The following ERC2 variants were observed in gnomAD, a reference collection of about 807,000 sequenced individuals.
ERC2 encodes the protein ELKS/RAB6-interacting/CAST family member 2.
A neutral mutation model predicts 114.8 loss-of-function variants in ERC2; 42 were observed. That is an observed-to-expected ratio of 0.37 (90% confidence interval 0.29 to 0.47). The LOEUF (loss-of-function observed/expected upper bound fraction) is 0.47, where lower values mean the gene tolerates loss of function less well. Ranked by LOEUF, ERC2 falls within the 20% of genes least tolerant of loss-of-function variation. The pLI, the probability that ERC2 is intolerant of heterozygous loss-of-function variation, is 0.99. For missense variants in ERC2, 939 were observed against 1,150.7 expected (o/e 0.82, Z 2.66); for synonymous variants, 454 against 425.5 (o/e 1.07, Z -0.82).
chr3:56,448,508 C>T (rs1045260864), intron 1 of ERC2, among the ~76,000 whole-genome samples: 4 of 152,262 alleles, frequency 2.6e-5, no homozygotes, highest in East Asian at 1.9e-4. Context: ...CCCACACCTC[C>T]GCCAACACCC....
intron 14 of ERC2, among the ~76,000 whole-genome samples, chr3:55,812,336 A>T (rs1036134499): frequency 6.6e-6 from 1 of 152,188 alleles, no homozygotes; most frequent in Non-Finnish European, 1.5e-5. Flanking sequence ...CATGTTTGTT[A>T]TCAAAGAGCA....
chr3:55,513,718 C>T (rs1012170907), intron 17 of ERC2, among the ~76,000 whole-genome samples: 1 of 152,070 alleles, frequency 6.6e-6, no homozygotes, highest in Admixed American at 6.6e-5. Flanking sequence ...ACAGCAGCCT[C>T]GACCTCCTGG....
chr3:56,264,565 C>A (rs1293536871), intron 3 of ERC2, among the ~76,000 whole-genome samples: 24 of 150,648 alleles, frequency 1.6e-4, no homozygotes, highest in African/African-American at 5.9e-4. Context: ...CCACTGCACT[C>A]CAGCCTAGGT....
chr3:55,839,256 G>A (rs2061027317), intron 14 of ERC2, among the ~76,000 whole-genome samples: 1 of 151,662 alleles, frequency 6.6e-6, no homozygotes, highest in South Asian at 2.1e-4. Context: ...TCAAACTGAA[G>A]ATGAAATAAA....
At chr3:56,427,805 C>T (rs535313574) in intron 2 of ERC2, among the ~76,000 whole-genome samples, 1 of 152,196 alleles carries the variant, frequency 6.6e-6, no homozygotes, top group South Asian at 2.1e-4. Flanking sequence ...GGATTTCTTC[C>T]CTCCAGAACT....
chr3:56,354,997 G>C (rs1254498793), intron 2 of ERC2, among the ~76,000 whole-genome samples: 1 of 152,204 alleles, frequency 6.6e-6, no homozygotes, highest in Non-Finnish European at 1.5e-5. Context: ...GGGAGATACA[G>C]AAACATCATC....
chr3:55,679,800 T>G (rs1453511036), intron 17 of ERC2, among the ~76,000 whole-genome samples: 1 of 152,220 alleles, frequency 6.6e-6, no homozygotes, highest in African/African-American at 2.4e-5. Flanking sequence ...TAGAAACCTC[T>G]GCTTTGTGTA....
intron 17 of ERC2, among the ~76,000 whole-genome samples, chr3:55,671,772 G>T (rs2061569467): frequency 6.6e-6 from 1 of 152,256 alleles, no homozygotes; most frequent in African/African-American, 2.4e-5. Flanking sequence ...CCACCTGCTT[G>T]GAAAATGGCT....
At chr3:55,584,887 A>G (rs2057516341) in intron 17 of ERC2, among the ~76,000 whole-genome samples, 1 of 152,194 alleles carries the variant, frequency 6.6e-6, no homozygotes, top group Non-Finnish European at 1.5e-5. Flanking sequence ...GGCTTGTCTC[A>G]AGCTAAGCAG....
intron 17 of ERC2, among the ~76,000 whole-genome samples, chr3:55,568,048 G>A (rs78808046): frequency 0.064 from 9,766 of 152,170 alleles, 424 homozygotes; most frequent in South Asian, 0.14. Flanking sequence ...GCCTTGGCAG[G>A]GAGATGCTGT....
intron 6 of ERC2, among the ~76,000 whole-genome samples, chr3:56,085,825 C>T (rs2077471489): frequency 6.6e-6 from 1 of 152,120 alleles, no homozygotes; most frequent in South Asian, 2.1e-4. Flanking sequence ...TGCACATGGG[C>T]TTACTAGGAC....
Position 55,636,108 on chromosome 3 carries a change from T to A in ERC2, c.*39+47686A>T, listed in dbSNP as rs147894418. Among the ~76,000 whole-genome samples, 694 of 151,990 alleles carry A rather than the reference T, an allele frequency of 4.6e-3. 4 individuals are homozygous for A. The highest frequency in any genetic ancestry group is 0.016 in the African/African-American group (653 of 41,434). ...CAAGGCTGGTCTTGAACTCCTGACC[T>A]CAGGTGATCCGCCCACCTCGGCCTC... On this transcript the variant is annotated intron_variant, in intron 17 of 17. Transcript: ENST00000288221.
At chr3:55,557,252 G>A (rs1221382039) in intron 17 of ERC2, among the ~76,000 whole-genome samples, 1 of 152,172 alleles carries the variant, frequency 6.6e-6, no homozygotes, top group Admixed American at 6.5e-5. Context: ...CCCCAGTGGA[G>A]GGGACAGTGT....
rs545651913 is a variant in ERC2, at chr3:55,688,320, G to C, written c.2848-4461C>G. ...AGGCTCACCAAGGCCCAGTGACACA[G>C]GTGTCAGGAGGTTCTTTGTGCAGAT... On this transcript the variant is annotated intron_variant, in intron 16 of 17. Coordinates refer to ENST00000288221, the MANE Select transcript of ERC2 (RefSeq NM_015576.3). Among the ~76,000 whole-genome samples, 5 of 152,270 alleles carry C rather than the reference G, an allele frequency of 3.3e-5. No individual in the cohort carries two copies. In the South Asian group the frequency reaches 1.0e-3, roughly 32 times the overall value.
chr3:56,145,052 A>C (rs888365407), intron 5 of ERC2, among the ~76,000 whole-genome samples: 1 of 152,194 alleles, frequency 6.6e-6, no homozygotes, highest in African/African-American at 2.4e-5. Context: ...GGCACACTTC[A>C]TCCCGTCTGA....
chr3:55,978,879 G>C (rs2069828006), intron 12 of ERC2, among the ~76,000 whole-genome samples: 1 of 152,172 alleles, frequency 6.6e-6, no homozygotes, highest in Non-Finnish European at 1.5e-5. Flanking sequence ...GTCTGTGAGA[G>C]ACAACACAAG....
chr3:55,906,703 G>C (rs1439682018), intron 13 of ERC2, among the ~76,000 whole-genome samples: 1 of 152,168 alleles, frequency 6.6e-6, no homozygotes, highest in Non-Finnish European at 1.5e-5. Flanking sequence ...GATGTTGTAG[G>C]CCTGCCTGTA....
chr3:55,769,594 T>C (rs1029276993), intron 14 of ERC2, among the ~76,000 whole-genome samples: 5 of 152,088 alleles, frequency 3.3e-5, no homozygotes. Context: ...ATATATTTGG[T>C]TGAACAATTA....
intron 3 of ERC2, among the ~76,000 whole-genome samples, chr3:56,193,599 T>C (rs1367889800): frequency 6.6e-6 from 1 of 152,232 alleles, no homozygotes; most frequent in Non-Finnish European, 1.5e-5. Flanking sequence ...CTGTACTTTC[T>C]AAATTGCCTA....
Sources: gnomAD v4.1 joint callset for allele counts (sites outside exome capture counted in the v4.1 genomes callset) on GRCh38, gnomAD v4.1.1 for gene constraint, MANE v1.5 for transcripts, NCBI Gene and HGNC (gene_info 2026-07-23, HGNC 2026-07-21) for gene names.